Variants in DPY19L1 observed in about 807,000 individuals in gnomAD.
DPY19L1 encodes the protein dpy-19 like C-mannosyltransferase 1, also known as protein C-mannosyl-transferase DPY19L1.
In DPY19L1, 35 loss-of-function variants were observed where a neutral mutation model predicts 96.9. The observed-to-expected ratio is 0.36, with a 90% CI of 0.28 to 0.48. DPY19L1 has a LOEUF of 0.48. Ranked by LOEUF, DPY19L1 falls within the 20% of genes least tolerant of loss-of-function variation. DPY19L1 has a pLI of 0.99. For synonymous variants in DPY19L1, 205 were observed against 252.6 expected (o/e 0.81, Z 1.79); for missense variants, 521 against 777.9 (o/e 0.67, Z 3.93).
intron 3 of DPY19L1, 93 bp downstream of exon 3, chr7:35,017,789 A>T (rs1325840372): frequency 6.0e-6 from 6 of 1,005,970 alleles, no homozygotes; most frequent in African/African-American, 1.6e-5. Context: ...TACTCTTTCT[A>T]CTTTGGAACA....
chr7:35,013,501 G>C, intron 4 of DPY19L1, 67 bp downstream of exon 4: 1 of 1,235,496 alleles, frequency 8.1e-7, no homozygotes, highest in South Asian at 1.3e-5. Context: ...CTTAGATTTA[G>C]AATCAGCGTT....
rs1052401174 is a variant in DPY19L1 at position 35,036,466 on chromosome 7, G to A, written c.298+631C>T. Among the ~76,000 whole-genome samples the A allele has an allele frequency of 1.2e-4, 18 of 152,062 alleles. No individual in the cohort carries two copies. In the South Asian group the frequency reaches 1.5e-3, roughly 12 times the overall value. ...ATCATCCATTTGGTAAATGGCAGAG[G>A]GAGGGGAGGAGAGCCCTCCTCACCA... On this transcript the variant is annotated intron_variant, in intron 1 of 21. Transcript: ENST00000638088.
intron 6 of DPY19L1, among the ~76,000 whole-genome samples, chr7:35,005,577 T>A (rs1385168837): frequency 1.4e-5 from 2 of 141,456 alleles, no homozygotes; most frequent in African/African-American, 5.4e-5. Flanking sequence ...GGTGGGTGGA[T>A]CACCTGAGGT....
At chr7:35,037,805 C>T (rs1786482727), upstream of DPY19L1, 10 of 1,221,198 alleles carry the variant, frequency 8.2e-6, no homozygotes, top group Admixed American at 4.3e-5. Flanking sequence ...CTCTGGCGCC[C>T]GGCTACCCAC....
At chr7:34,945,119 T>C (rs762333972) in intron 16 of DPY19L1, among the ~76,000 whole-genome samples, 5 of 152,168 alleles carry the variant, frequency 3.3e-5, no homozygotes, top group Non-Finnish European at 5.9e-5. Context: ...AACATTTAAG[T>C]ACAAAGGGTG....
At position 34,955,996 on chromosome 7, in the gene DPY19L1, ATAGT is replaced by A; in HGVS notation, c.1180-633_1180-630del. ...TATAAATATATGCAAATGTGTGTTT[ATAGT>A]TAAATATGCACAAACATGCTGTATT... is the stretch of plus-strand genomic sequence containing the variant. On this transcript the variant is annotated intron_variant, in intron 11 of 21. Transcript: ENST00000638088. Among the ~76,000 whole-genome samples the A allele has an allele frequency of 2.0e-5, 3 of 152,310 alleles. No homozygotes were observed. The South Asian group carries it at 6.2e-4, about 32-fold the overall frequency.
chr7:35,021,498 T>C (rs1785994669), intron 1 of DPY19L1, among the ~76,000 whole-genome samples: 1 of 152,170 alleles, frequency 6.6e-6, no homozygotes, highest in Non-Finnish European at 1.5e-5. Flanking sequence ...TCAGTAACAA[T>C]GATGAGAGCA....
chr7:34,945,547 A>G, intron 16 of DPY19L1, 120 bp downstream of exon 16: 1 of 735,302 alleles, frequency 1.4e-6, no homozygotes, highest in Admixed American at 2.9e-5. Context: ...AATGACCACA[A>G]TAAAAACATC....
chr7:34,932,715 G>A (rs1783779457), intron 21 of DPY19L1, among the ~76,000 whole-genome samples: 1 of 152,084 alleles, frequency 6.6e-6, no homozygotes, highest in African/African-American at 2.4e-5. Flanking sequence ...CAAAATAACA[G>A]TACCATTTAT....
chr7:35,001,083 G>A (rs147711599), intron 6 of DPY19L1, among the ~76,000 whole-genome samples: 10 of 152,200 alleles, frequency 6.6e-5, no homozygotes, highest in Non-Finnish European at 1.0e-4. Context: ...TCTATAAAGC[G>A]GTTTACCTAT....
intron 18 of DPY19L1, among the ~76,000 whole-genome samples, chr7:34,941,451 T>C (rs1285648130): frequency 6.6e-6 from 1 of 152,252 alleles, no homozygotes; most frequent in Non-Finnish European, 1.5e-5. Flanking sequence ...GATTTCTTTG[T>C]GATATGAATG....
chr7:35,023,773 T>C (rs992030352), intron 1 of DPY19L1, among the ~76,000 whole-genome samples: 9 of 152,034 alleles, frequency 5.9e-5, no homozygotes, highest in African/African-American at 2.2e-4. Context: ...GCTGGGCATT[T>C]AATGACCTTG....
In DPY19L1 at chr7:34,931,437, A is replaced by T; in HGVS notation, c.*136T>A. ...ATTTTTATAATTAGAATGACATTCA[A>T]ATTGACCAAATAAAACGTTTTCTAT... On this transcript the variant is annotated 3_prime_UTR_variant, in exon 22 of 22. Coordinates refer to ENST00000638088, the MANE Select transcript of DPY19L1 (RefSeq NM_001366673.1). 3 of 1,213,604 alleles carry T rather than the reference A, an allele frequency of 2.5e-6. No homozygotes were observed. Among genetic ancestry groups the T allele is most frequent in the South Asian group, 5.2e-5 (2 of 38,210 alleles). 75.2% of individuals were successfully genotyped at this position (1,213,604 alleles called of 1,614,324 possible). A position where few individuals can be genotyped will look rare whatever the true frequency, so the allele number is the denominator to read the frequency against.
chr7:35,027,607 A>C (rs1393285920), intron 1 of DPY19L1, among the ~76,000 whole-genome samples: 3 of 148,794 alleles, frequency 2.0e-5, no homozygotes, highest in Non-Finnish European at 1.5e-5. Context: ...AGGCGGGTGG[A>C]TCACCTGAGG....
At chr7:34,955,459 A>G in intron 11 of DPY19L1, 92 bp from the exon 12 acceptor site, 2 of 1,502,692 alleles carry the variant, frequency 1.3e-6, no homozygotes, top group Non-Finnish European at 1.8e-6. Flanking sequence ...TAAGATTCTC[A>G]AGTATCTAAA....
At chr7:34,937,001 G>T (rs1055236692) in intron 21 of DPY19L1, among the ~76,000 whole-genome samples, 2 of 152,202 alleles carry the variant, frequency 1.3e-5, no homozygotes, top group African/African-American at 4.8e-5. Flanking sequence ...CCATAAAATA[G>T]TGTTTATTTC....
intron 11 of DPY19L1, among the ~76,000 whole-genome samples, chr7:34,957,503 G>A (rs1465000281): frequency 6.6e-6 from 1 of 152,146 alleles, no homozygotes; most frequent in Non-Finnish European, 1.5e-5. Context: ...ATCTAAAGTT[G>A]TTCTTGGTAG....
chr7:34,947,746 A>C (rs1389833079), intron 14 of DPY19L1, 45 bp from the exon 15 acceptor site: 3 of 1,491,646 alleles, frequency 2.0e-6, no homozygotes, highest in Non-Finnish European at 2.8e-6. Flanking sequence ...CATTTTAACC[A>C]AACAAAATTT....
intron 6 of DPY19L1, among the ~76,000 whole-genome samples, chr7:35,004,040 T>C (rs1394073673): frequency 1.3e-5 from 2 of 152,214 alleles, no homozygotes; most frequent in African/African-American, 4.8e-5. Flanking sequence ...CTTTGCCCCA[T>C]CACTTCAAGA....
Sources: gnomAD v4.1 joint callset for allele counts (sites outside exome capture counted in the v4.1 genomes callset) on GRCh38, gnomAD v4.1.1 for gene constraint, MANE v1.5 for transcripts, NCBI Gene and HGNC (gene_info 2026-07-23, HGNC 2026-07-21) for gene names.